Variants in RBM25 observed in about 807,000 individuals in gnomAD.
RBM25 encodes RNA binding motif protein 25.
In RBM25, 19 loss-of-function variants were observed where a neutral mutation model predicts 120.7. The ratio of observed to expected loss-of-function variants is 0.16; its 90% CI spans 0.11 to 0.23. The LOEUF (loss-of-function observed/expected upper bound fraction) is 0.23. RBM25 is among the 10% of genes least tolerant of loss of function. RBM25 has a pLI of 1.00. For missense variants in RBM25, 605 were observed against 1,041.5 expected (o/e 0.58, Z 5.77); for synonymous variants, 390 against 326.7 (o/e 1.19, Z -2.09).
chr14:73,114,352 A>AT lies in RBM25; in HGVS notation c.2439+24dup. The AT allele has an allele frequency of 1.3e-6, 2 of 1,538,402 alleles. No homozygotes were observed. Among genetic ancestry groups the AT allele is most frequent in the Non-Finnish European group, 1.8e-6 (2 of 1,137,256 alleles). On this transcript the variant is annotated intron_variant, in intron 18 of 18. Coordinates refer to ENST00000261973, the MANE Select transcript of RBM25 (RefSeq NM_021239.3). ...TGCCATGGTAAGTTAGAAATTCACT[A>AT]TTTTTATTTCTTTTAATTTAAAAAA...
chr14:73,076,563 T>G (rs1277359644), intron 3 of RBM25, among the ~76,000 whole-genome samples, 195 bp downstream of exon 3: 2 of 152,174 alleles, frequency 1.3e-5, no homozygotes, highest in Non-Finnish European at 2.9e-5. Context: ...CAGTTGCCCT[T>G]GCAATGTGCT....
intron 7 of RBM25, 96 bp downstream of exon 7, chr14:73,097,196 CTTTTTTTTTTTT>C (rs11390922): frequency 4.4e-5 from 6 of 137,532 alleles, no homozygotes; most frequent in Non-Finnish European, 6.3e-5. Context: ...TTTTTCTTTT[CTTTTTTTTTTTT>C]TTTTTTTTTT....
In RBM25 at chr14:73,099,756, ATTCT is replaced by A. The variant is rs755396626; in HGVS notation, c.867+8_867+11del. The stretch of plus-strand genomic sequence containing the variant: ...AATTCAGAGACACACATAAGGTAGT[ATTCT>A]TGTCTTTTCACTTGATACCAATCTA... On this transcript the variant is annotated splice_region_variant and intron_variant, in intron 9 of 18. Transcript: ENST00000261973. 363 of 1,597,224 alleles carry A rather than the reference ATTCT, an allele frequency of 2.3e-4. No homozygotes were observed. Among genetic ancestry groups the A allele is most frequent in the Non-Finnish European group, 3.0e-4 (355 of 1,175,936 alleles).
At chr14:73,064,156 A>G (rs1232457966) in intron 1 of RBM25, among the ~76,000 whole-genome samples, 1 of 150,796 alleles carries the variant, frequency 6.6e-6, no homozygotes, top group Non-Finnish European at 1.5e-5. Flanking sequence ...TCCCTAATTT[A>G]TTTTTCTACA....
Position 73,077,398 on chromosome 14 carries a change from A to C in RBM25, c.186A>C (p.Gly62=), listed in dbSNP as rs1223369611. The C allele has an allele frequency of 6.2e-7, 1 of 1,613,748 alleles. No individual in the cohort carries two copies. ...TVLVPTVSMV[G]KHLGARKDHP... ...TAGTACCCACTGTGTCTATGGTTGG[A>C]AAGCATTTGGGCGCAAGAAAGGATC... is the stretch of plus-strand genomic sequence containing the variant. The change falls in exon 4 of 19, where the codon GGA becomes GGC. Residue 62 remains glycine, a synonymous_variant. Coordinates refer to ENST00000261973, the MANE Select transcript of RBM25 (RefSeq NM_021239.3).
intron 8 of RBM25, 31 bp downstream of exon 8, chr14:73,099,464 C>G (rs984233530): frequency 6.2e-7 from 1 of 1,600,056 alleles, no homozygotes; most frequent in South Asian, 1.1e-5. Flanking sequence ...TTGACAATAC[C>G]TGTGTTTACT....
intron 6 of RBM25, among the ~76,000 whole-genome samples, chr14:73,092,648 G>A (rs28578767): frequency 0.04 from 6,007 of 149,928 alleles, 210 homozygotes; most frequent in African/African-American, 0.1. Context: ...ATATATACAT[G>A]TGCCATGTTG....
intron 6 of RBM25, among the ~76,000 whole-genome samples, chr14:73,094,565 G>C (rs1009073082): frequency 6.6e-6 from 1 of 151,094 alleles, no homozygotes; most frequent in South Asian, 2.1e-4. Flanking sequence ...CTCCTGCCTC[G>C]GCCTCCCAAG....
In RBM25 at chr14:73,089,665, T is replaced by TTTTGTTTGTTTGTTTG. The variant is rs75923211; in HGVS notation, c.543+1509_543+1524dup. Among the ~76,000 whole-genome samples the TTTTGTTTGTTTGTTTG allele has an allele frequency of 8.6e-3, 1,255 of 145,592 alleles. 15 individuals carry two copies. The highest frequency in any genetic ancestry group is 0.027 in the African/African-American group (1,078 of 39,476). On this transcript the variant is annotated intron_variant, in intron 6 of 18. Coordinates refer to ENST00000261973, the MANE Select transcript of RBM25 (RefSeq NM_021239.3). ...CCACCACACCTGGCCAAATGTAGGG[T>TTTTGTTTGTTTGTTTG]TTTGTTTGTTTGTTTGTTTGAAATG...
At chr14:73,087,921 C>T in intron 5 of RBM25, 80 bp from the exon 6 acceptor site, 1 of 1,390,726 alleles carries the variant, frequency 7.2e-7, no homozygotes, top group Non-Finnish European at 9.8e-7. Flanking sequence ...CATTTGGACT[C>T]TAGTGATTCT....
chr14:73,079,073 G>A (rs1895494440), intron 4 of RBM25, among the ~76,000 whole-genome samples: 1 of 135,874 alleles, frequency 7.4e-6, no homozygotes. Context: ...ACCTTTTTAA[G>A]ATTTTATCTT....
Position 73,121,098 on chromosome 14 carries a change from A to C in RBM25, c.*1293A>C, listed in dbSNP as rs537150357. On this transcript the variant is annotated 3_prime_UTR_variant, in exon 19 of 19. Coordinates refer to ENST00000261973, the MANE Select transcript of RBM25 (RefSeq NM_021239.3). ...AGAAGTTTTAAACAGCTTTTCACAC[A>C]AATTAGATGCAACTGTTCCCATGTC... 11 of 152,692 alleles carry C rather than the reference A, an allele frequency of 7.2e-5. No individual in the cohort carries two copies. Among genetic ancestry groups the C allele is most frequent in the Non-Finnish European group, 1.6e-4 (11 of 68,014 alleles). 9.5% of individuals were successfully genotyped at this position (152,692 alleles called of 1,614,324 possible).
chr14:73,081,005 A>G (rs1380562738), intron 4 of RBM25, among the ~76,000 whole-genome samples: 1 of 151,422 alleles, frequency 6.6e-6, no homozygotes, highest in South Asian at 2.1e-4. Flanking sequence ...TTGTATTTTC[A>G]GTAGAGACGG....
chr14:73,107,705 T>C (rs1236695970), intron 12 of RBM25, 121 bp from the exon 13 acceptor site: 4 of 719,070 alleles, frequency 5.6e-6, no homozygotes, highest in Admixed American at 5.3e-5. Context: ...GAAATTCCTA[T>C]AAGTCTCCCT....
At chr14:73,093,579 T>C (rs1895864360) in intron 6 of RBM25, among the ~76,000 whole-genome samples, 1 of 152,158 alleles carries the variant, frequency 6.6e-6, no homozygotes, top group Non-Finnish European at 1.5e-5. Context: ...TAATCTCGGC[T>C]CACTGCAACC....
At chr14:73,076,811 A>G (rs1594903661) in intron 3 of RBM25, among the ~76,000 whole-genome samples, 1 of 152,258 alleles carries the variant, frequency 6.6e-6, no homozygotes, top group Non-Finnish European at 1.5e-5. Context: ...TTCCTAAGGT[A>G]TATGGCCTAA....
chr14:73,078,128 C>A (rs1895467582), intron 4 of RBM25, among the ~76,000 whole-genome samples: 1 of 152,046 alleles, frequency 6.6e-6, no homozygotes, highest in African/African-American at 2.4e-5. Flanking sequence ...CATGGTGAGA[C>A]CCTGTCTCTA....
chr14:73,118,751 T>C (rs773018676), intron 18 of RBM25, among the ~76,000 whole-genome samples: 19 of 152,054 alleles, frequency 1.2e-4, no homozygotes, highest in Non-Finnish European at 2.5e-4. Flanking sequence ...TTGTTGTCGT[T>C]GTTAATTTAC....
intron 4 of RBM25, among the ~76,000 whole-genome samples, chr14:73,083,251 A>T (rs952184596): frequency 1.3e-5 from 2 of 152,216 alleles, no homozygotes; most frequent in Admixed American, 1.3e-4. Context: ...AACTTTTAAT[A>T]AAAGGTAAAC....
Sources: allele counts gnomAD v4.1 joint callset (sites outside exome capture counted in the v4.1 genomes callset), GRCh38; gene constraint gnomAD v4.1.1; transcripts MANE v1.5; gene names NCBI Gene and HGNC (gene_info 2026-07-23, HGNC 2026-07-21).